SMARCA2: variants seen among roughly 807,000 people sequenced by gnomAD.
SMARCA2 encodes the protein SWI/SNF-related matrix-associated actin-dependent regulator of chromatin subfamily A member 2.
In SMARCA2, 61 loss-of-function variants were observed where a neutral mutation model predicts 199.8. That is an observed-to-expected ratio of 0.31 (90% CI 0.25 to 0.38). SMARCA2 has a LOEUF of 0.38. Among genes scored for constraint, SMARCA2 ranks in the 10% least tolerant of loss-of-function variants. The pLI, the probability that SMARCA2 is intolerant of heterozygous loss-of-function variation, is 1.00. For missense variants in SMARCA2, 1,344 were observed against 2,012.2 expected (o/e 0.67, Z 6.35); for synonymous variants, 935 against 732.0 (o/e 1.28, Z -4.48).
Position 2,169,726 on chromosome 9 carries a change from T to C in SMARCA2, c.4200-693T>C, listed in dbSNP as rs1826138378. 6.6e-6 allele frequency among the ~76,000 whole-genome samples: 1 copy of C among 151,816 alleles called. No homozygotes were observed. Among genetic ancestry groups the C allele is most frequent in the African/African-American group, 2.4e-5 (1 of 41,426 alleles). On this transcript the variant is annotated intron_variant, in intron 28 of 33. Coordinates refer to ENST00000349721, the MANE Select transcript of SMARCA2 (RefSeq NM_003070.5). This position sits in a 1 kb window ranked among gnomAD's most constrained non-coding sequence, Gnocchi z 6.5. ...AGGATCTGTGAAACCTGGCAGCTGCTTCCCTGCCACCACAAAAAGGGACAC... is the reference window on the plus strand; with the variant it reads ...AGGATCTGTGAAACCTGGCAGCTGCCTCCCTGCCACCACAAAAAGGGACAC...
At position 2,088,879 on chromosome 9, in the gene SMARCA2, A is replaced by ATTTTTTTTTTT. The variant is rs375056248; in HGVS notation, c.2883+271_2883+281dup. On this transcript the variant is annotated intron_variant, in intron 19 of 33. Coordinates refer to ENST00000349721, the MANE Select transcript of SMARCA2 (RefSeq NM_003070.5). ...AGTCTCATTTACATTTTAATTTTAG[A>ATTTTTTTTTTT]TTTTTTTTTTTTTTTAAATTACGGA... 4.0e-3 allele frequency among the ~76,000 whole-genome samples: 549 copies of ATTTTTTTTTTT among 137,938 alleles called. 9 individuals carry two copies. The highest frequency in any genetic ancestry group is 0.015 in the African/African-American group (510 of 34,798). 90.5% of individuals were successfully genotyped at this position (137,938 alleles called of 152,430 possible). A position where few individuals can be genotyped will look rare whatever the true frequency, so the allele number is the denominator to read the frequency against.
At chr9:2,160,348 T>G in intron 27 of SMARCA2, 1 of 499,052 alleles carries the variant, frequency 2.0e-6, no homozygotes, top group East Asian at 3.0e-5. Flanking sequence ...GACTGTCCCT[T>G]AGGAATCTGT....
At chr9:2,051,026 G>A (rs757976611) in intron 5 of SMARCA2, among the ~76,000 whole-genome samples, 1 of 152,200 alleles carries the variant, frequency 6.6e-6, no homozygotes, top group African/African-American at 2.4e-5. Context: ...GTTGTTTGGG[G>A]AAGTTTAGAA....
chr9:2,017,056 AC>A lies in SMARCA2; in HGVS notation c.-37+1655del, dbSNP rs1818384431. ...CGCGGCAGTGCGGGCTCCGGCGGAC[AC>A]CCGCGCCTTGGCCGGGGCACTTGGG... On this transcript the variant is annotated intron_variant, in intron 1 of 33. Transcript: ENST00000349721. The surrounding 1 kb of genome is among the most constrained non-coding windows in gnomAD (Gnocchi z 8.8). 1 of 152,022 alleles carries A rather than the reference AC, an allele frequency of 6.6e-6. No homozygotes were observed. Among genetic ancestry groups the A allele is most frequent in the African/African-American group, 2.4e-5 (1 of 41,366 alleles). The allele number at this position is 152,022 out of a possible 1,614,324, so 9.4% of individuals were successfully genotyped here.
chr9:2,073,138 C>A, intron 10 of SMARCA2, 74 bp from the exon 11 acceptor site: 12 of 1,548,094 alleles, frequency 7.8e-6, no homozygotes, highest in Non-Finnish European at 1.0e-5. Context: ...GCAAAAACTG[C>A]TGAGAAACGT....
At chr9:2,186,774 C>T (rs1281066325) in intron 32 of SMARCA2, among the ~76,000 whole-genome samples, 1 of 152,256 alleles carries the variant, frequency 6.6e-6, no homozygotes. Flanking sequence ...GATCCACCCG[C>T]CTCGGCCTCC....
chr9:2,151,988 C>A (rs193116019), intron 27 of SMARCA2, among the ~76,000 whole-genome samples: 125 of 152,102 alleles, frequency 8.2e-4, no homozygotes, highest in African/African-American at 2.4e-3. Context: ...AGTATTCAGG[C>A]CAAAGAAGTT....
intron 27 of SMARCA2, among the ~76,000 whole-genome samples, chr9:2,140,147 C>G (rs1238298237): frequency 6.6e-6 from 1 of 152,228 alleles, no homozygotes; most frequent in Non-Finnish European, 1.5e-5. Flanking sequence ...TTCTAGTACT[C>G]TCATCAAGAA....
rs1000949534 is a variant in SMARCA2, at chr9:2,150,707, A to G, written c.3982-10979A>G. 8.6e-5 allele frequency among the ~76,000 whole-genome samples: 13 copies of G among 151,642 alleles called. 1 individual carries two copies. Among genetic ancestry groups the G allele is most frequent in the Admixed American group, 7.2e-4 (11 of 15,242 alleles). ...TATGTAATAGTTTGCTAGGACTACCATTATAAAATACCACAGATTGGTGGT... is the reference window on the plus strand; with the variant it reads ...TATGTAATAGTTTGCTAGGACTACCGTTATAAAATACCACAGATTGGTGGT... On this transcript the variant is annotated intron_variant, in intron 27 of 33. Coordinates refer to ENST00000349721, the MANE Select transcript of SMARCA2 (RefSeq NM_003070.5).
intron 14 of SMARCA2, among the ~76,000 whole-genome samples, chr9:2,078,861 C>T (rs376348319): frequency 1.3e-5 from 2 of 152,090 alleles, no homozygotes; most frequent in African/African-American, 2.4e-5. Flanking sequence ...GGGAGAATGG[C>T]GTGAACCCAG....
chr9:2,176,182 G>GTTTTTTTTTTTTTTTTTTTTTTTTTTTTT (rs56186732), intron 29 of SMARCA2, among the ~76,000 whole-genome samples: 2 of 104,158 alleles, frequency 1.9e-5, no homozygotes, highest in African/African-American at 7.5e-5. Flanking sequence ...CGCCCGGCCT[G>GTTTTTTTTTTTTTTTTTTTTTTTTTTTTT]TTTTTTTTTT....
In SMARCA2 at chr9:2,191,258, G is replaced by C. The variant is rs772517862; in HGVS notation, c.4595-8G>C. On this transcript the variant is annotated splice_polypyrimidine_tract_variant and splice_region_variant and intron_variant, in intron 32 of 33. Transcript: ENST00000349721. Reference sequence around the variant, plus strand: ...CACTGGTGTCTATTTCATTTGCTTTGGTTTTAGCAAAATCAGTCAAGGTGA... The same window carrying C: ...CACTGGTGTCTATTTCATTTGCTTTCGTTTTAGCAAAATCAGTCAAGGTGA... The C allele has an allele frequency of 1.2e-6, 2 of 1,613,342 alleles. No homozygotes were observed. Among genetic ancestry groups the C allele is most frequent in the East Asian group, 2.2e-5 (1 of 44,886 alleles).
Position 2,124,032 on chromosome 9 carries a change from T to G in SMARCA2, c.3981+95T>G, listed in dbSNP as rs374007284. On this transcript the variant is annotated intron_variant, in intron 27 of 33. Transcript: ENST00000349721. Reference sequence around the variant, plus strand: ...CTAGAGCTGGGATTTTCTGAGGAGGTTGAGTTCGCAATCAAAGGGAAGGGG... The same window carrying G: ...CTAGAGCTGGGATTTTCTGAGGAGGGTGAGTTCGCAATCAAAGGGAAGGGG... The G allele has an allele frequency of 3.3e-4, 316 of 959,304 alleles. 4 individuals are homozygous for G. In the South Asian group the frequency reaches 4.4e-3, roughly 13 times the overall value. 59.4% of individuals were successfully genotyped at this position (959,304 alleles called of 1,614,324 possible).
chr9:2,054,567 C>G (rs565595072), intron 5 of SMARCA2, 30 bp from the exon 6 acceptor site: 1 of 1,599,150 alleles, frequency 6.3e-7, no homozygotes, highest in African/African-American at 1.3e-5. Flanking sequence ...TTCCCCTGCC[C>G]CCTTTTCCCC....
chr9:2,054,119 C>G (rs975403153), intron 5 of SMARCA2, among the ~76,000 whole-genome samples: 2 of 152,202 alleles, frequency 1.3e-5, no homozygotes, highest in Non-Finnish European at 2.9e-5. Flanking sequence ...TTGCTCACTG[C>G]GCTTTAATGG....
intron 1 of SMARCA2, among the ~76,000 whole-genome samples, chr9:2,024,978 T>G (rs1818763043): frequency 6.6e-6 from 1 of 152,222 alleles, no homozygotes; most frequent in South Asian, 2.1e-4. Flanking sequence ...ACAATTAGAC[T>G]GTAAGACACA....
In SMARCA2 at chr9:2,086,604, G is replaced by A. The variant is rs796435571; in HGVS notation, c.2527-225G>A. Among the ~76,000 whole-genome samples, 23 of 152,312 alleles carry A rather than the reference G, an allele frequency of 1.5e-4. No individual in the cohort carries two copies. Among genetic ancestry groups the A allele is most frequent in the African/African-American group, 2.4e-4 (10 of 41,568 alleles). On this transcript the variant is annotated intron_variant, in intron 17 of 33. Transcript: ENST00000349721. This position sits in a 1 kb window ranked among gnomAD's most constrained non-coding sequence, Gnocchi z 4.3. ...TTGTAAAAAGTTGATTTGGAATTAC[G>A]TGGTCTGTAAGGAACATTGTTCCTT...
At chr9:2,049,174 A>G (rs1261221133) in intron 5 of SMARCA2, among the ~76,000 whole-genome samples, 1 of 152,198 alleles carries the variant, frequency 6.6e-6, no homozygotes, top group East Asian at 1.9e-4. Context: ...ACATATGTCT[A>G]GACTTCTTTC....
intron 24 of SMARCA2, among the ~76,000 whole-genome samples, chr9:2,111,557 T>C (rs1823006116): frequency 6.6e-6 from 1 of 151,468 alleles, no homozygotes; most frequent in South Asian, 2.1e-4. Context: ...GTATGAATTC[T>C]ACATCAGCTT....
Sources: allele counts gnomAD v4.1 joint callset (sites outside exome capture counted in the v4.1 genomes callset), GRCh38; gene constraint gnomAD v4.1.1; non-coding constraint Gnocchi (gnomAD v3.1); transcripts MANE v1.5; gene names NCBI Gene and HGNC (gene_info 2026-07-23, HGNC 2026-07-21).